Variants in MBNL2 observed in about 807,000 individuals in gnomAD.
MBNL2 encodes the protein muscleblind like splicing regulator 2.
In MBNL2, 17 loss-of-function variants were observed where a neutral mutation model predicts 41.9. That is an observed-to-expected ratio of 0.41 (90% confidence interval 0.28 to 0.61). The LOEUF (loss-of-function observed/expected upper bound fraction) is 0.61. MBNL2 is among the 20% of genes least tolerant of loss of function. The pLI is 0.35. For missense variants in MBNL2, 336 were observed against 505.6 expected (o/e 0.66, Z 3.22); for synonymous variants, 195 against 182.9 (o/e 1.07, Z -0.53).
At chr13:97,356,922 A>G in intron 6 of MBNL2, 73 bp downstream of exon 6, 1 of 939,520 alleles carries the variant, frequency 1.1e-6, no homozygotes. Context: ...ATTACTTGTA[A>G]AATACTGGTT....
chr13:97,219,228 G>A (rs1166933294), upstream of MBNL2, among the ~76,000 whole-genome samples: 3 of 152,290 alleles, frequency 2.0e-5, no homozygotes, highest in Non-Finnish European at 4.4e-5. Context: ...ACAGGGCTAT[G>A]AGAGAAAACA....
intron 1 of MBNL2, among the ~76,000 whole-genome samples, chr13:97,227,439 A>G (rs1204529457): frequency 6.6e-6 from 1 of 152,224 alleles, no homozygotes; most frequent in African/African-American, 2.4e-5. Flanking sequence ...CAAATGAGAT[A>G]AGGATGGTTA....
chr13:97,145,448 G>C, the MBNL2 span, among the ~76,000 whole-genome samples: 1 of 152,242 alleles, frequency 6.6e-6, no homozygotes, highest in East Asian at 1.9e-4. Flanking sequence ...GAGAGAGGAT[G>C]ATGAGAAGAA....
chr13:97,166,782 T>TGATAGATA, the MBNL2 span, among the ~76,000 whole-genome samples: 1,231 of 139,962 alleles, frequency 8.8e-3, 8 homozygotes, highest in East Asian at 0.014. Flanking sequence ...AAACTTCCCT[T>TGATAGATA]GATAGATAGA....
At chr13:97,282,653 A>G (rs1305389170) in intron 2 of MBNL2, among the ~76,000 whole-genome samples, 1 of 152,214 alleles carries the variant, frequency 6.6e-6, no homozygotes, top group East Asian at 1.9e-4. Context: ...TTCATGCTTA[A>G]AGATTCTTGG....
the MBNL2 span, among the ~76,000 whole-genome samples, chr13:97,214,805 G>T: frequency 1.3e-5 from 2 of 152,224 alleles, no homozygotes; most frequent in East Asian, 1.9e-4. Context: ...CACAGTGACA[G>T]ATGCACAGTG....
chr13:97,195,307 C>T, the MBNL2 span, among the ~76,000 whole-genome samples: 4 of 152,142 alleles, frequency 2.6e-5, no homozygotes, highest in African/African-American at 9.7e-5. Context: ...AGGGTGCCAA[C>T]TCATACCTTC....
the MBNL2 span, among the ~76,000 whole-genome samples, chr13:97,202,863 G>A: frequency 6.6e-6 from 1 of 152,256 alleles, no homozygotes; most frequent in Non-Finnish European, 1.5e-5. Flanking sequence ...ACTGGGGCTG[G>A]ACAGTGGCTG....
chr13:97,263,085 C>A (rs1324481687), intron 1 of MBNL2, among the ~76,000 whole-genome samples: 1 of 152,110 alleles, frequency 6.6e-6, no homozygotes, highest in African/African-American at 2.4e-5. Flanking sequence ...CCACGCTCGA[C>A]CTTGAAGTCC....
chr13:97,352,963 T>C (rs1259741515), intron 5 of MBNL2, among the ~76,000 whole-genome samples: 1 of 152,204 alleles, frequency 6.6e-6, no homozygotes, highest in African/African-American at 2.4e-5. Flanking sequence ...CTGATGGGGA[T>C]AAGAGGGAAA....
chr13:97,336,092 C>T (rs945669103), intron 3 of MBNL2, among the ~76,000 whole-genome samples: 2 of 152,138 alleles, frequency 1.3e-5, no homozygotes, highest in African/African-American at 2.4e-5. Flanking sequence ...GCCGTGTTAA[C>T]GAGAGAATCC....
At chr13:97,167,246 C>T in the MBNL2 span, among the ~76,000 whole-genome samples, 2 of 152,166 alleles carry the variant, frequency 1.3e-5, no homozygotes, top group Admixed American at 6.5e-5. Context: ...TTACAAAGAA[C>T]ATATGCAAGA....
At chr13:97,165,276 TGAG>T in the MBNL2 span, among the ~76,000 whole-genome samples, 3,271 of 152,134 alleles carry the variant, frequency 0.022, 102 homozygotes, top group African/African-American at 0.075. Flanking sequence ...CTGAAGGAAA[TGAG>T]GAGAAATGAA....
chr13:97,202,624 A>G, the MBNL2 span, among the ~76,000 whole-genome samples: 3 of 152,216 alleles, frequency 2.0e-5, no homozygotes, highest in African/African-American at 7.2e-5. Context: ...TAAAAAAAAT[A>G]AGTATTAAAT....
chr13:97,332,446 G>T (rs2060509862), intron 2 of MBNL2, among the ~76,000 whole-genome samples: 1 of 152,148 alleles, frequency 6.6e-6, no homozygotes, highest in East Asian at 1.9e-4. Context: ...TTGGAGATTT[G>T]ATTTTAACAA....
chr13:97,354,761 A>G (rs6491350), intron 5 of MBNL2, among the ~76,000 whole-genome samples: 90,616 of 152,110 alleles, frequency 0.6, 29,808 homozygotes, highest in African/African-American at 0.9. Flanking sequence ...ATCAGCCTTT[A>G]GAGACATAAT....
upstream of MBNL2, among the ~76,000 whole-genome samples, chr13:97,218,433 AACAAAAC>A (rs1201494407): frequency 9.4e-5 from 11 of 116,548 alleles, no homozygotes; most frequent in South Asian, 2.6e-4. Context: ...AACAAAACAA[AACAAAAC>A]AAAAAAAAAA....
At chr13:97,199,438 C>T in the MBNL2 span, among the ~76,000 whole-genome samples, 1 of 152,170 alleles carries the variant, frequency 6.6e-6, no homozygotes, top group Admixed American at 6.6e-5. Context: ...GTCTATTGTG[C>T]TCCCTGATAT....
At chr13:97,345,746 T>G in intron 4 of MBNL2, among the ~76,000 whole-genome samples, 1 of 151,566 alleles carries the variant, frequency 6.6e-6, no homozygotes, top group Admixed American at 6.6e-5. Context: ...AGTGTTCAGA[T>G]TCCCCCCACC....
Sources: gnomAD v4.1 joint callset for allele counts (sites outside exome capture counted in the v4.1 genomes callset) on GRCh38, gnomAD v4.1.1 for gene constraint, MANE v1.5 for transcripts, NCBI Gene and HGNC (gene_info 2026-07-23, HGNC 2026-07-21) for gene names.